ROBO2: variants seen among roughly 807,000 people sequenced by gnomAD.
ROBO2 encodes roundabout guidance receptor 2.
ROBO2 carries 53 observed loss-of-function variants against 160.8 expected under a neutral mutation model. That is an observed-to-expected ratio of 0.33 (90% confidence interval 0.26 to 0.41). The LOEUF (loss-of-function observed/expected upper bound fraction) is 0.41, where lower values mean the gene tolerates loss of function less well. Ranked by LOEUF, ROBO2 falls within the 10% of genes least tolerant of loss-of-function variation. The probability of loss-of-function intolerance (pLI) is 1.00; values close to 1 mark genes in which losing one functional copy is unlikely to be tolerated. For missense variants in ROBO2, 1,577 were observed against 1,722.4 expected (o/e 0.92, Z 1.49); for synonymous variants, 664 against 611.7 (o/e 1.09, Z -1.26).
chr3:76,645,193 T>C (rs532852960), intron 2 of ROBO2, among the ~76,000 whole-genome samples: 4 of 152,202 alleles, frequency 2.6e-5, no homozygotes, highest in Non-Finnish European at 5.9e-5. Context: ...GGTCATGAAT[T>C]ATCTCTGCTG....
chr3:77,457,564 T>G (rs1240226331), intron 2 of ROBO2, among the ~76,000 whole-genome samples: 1 of 152,158 alleles, frequency 6.6e-6, no homozygotes, highest in Non-Finnish European at 1.5e-5. Context: ...CGGTATTATA[T>G]TAGAGTGATT....
At chr3:75,925,071 A>T (rs1450745307) in intron 1 of ROBO2, among the ~76,000 whole-genome samples, 1 of 151,974 alleles carries the variant, frequency 6.6e-6, no homozygotes, top group Non-Finnish European at 1.5e-5. Context: ...GTGAAGGATG[A>T]TTATATAAAC....
chr3:77,038,537 C>T (rs978361285), upstream of ROBO2, among the ~76,000 whole-genome samples: 3 of 152,100 alleles, frequency 2.0e-5, no homozygotes, highest in Non-Finnish European at 2.9e-5. Flanking sequence ...CTCAGACGGC[C>T]CCTTCTGGAG....
intron 2 of ROBO2, among the ~76,000 whole-genome samples, chr3:76,804,123 T>A (rs1460189976): frequency 9.2e-5 from 14 of 152,156 alleles, no homozygotes; most frequent in Admixed American, 2.6e-4. Flanking sequence ...ATGGTCACAT[T>A]CTCTTAGGGA....
At chr3:76,119,974 C>G (rs1244358392) in intron 2 of ROBO2, among the ~76,000 whole-genome samples, 3 of 119,952 alleles carry the variant, frequency 2.5e-5, no homozygotes, top group Non-Finnish European at 3.5e-5. Flanking sequence ...TCCTTCCTTC[C>G]TCTCTCTTTC....
intron 2 of ROBO2, among the ~76,000 whole-genome samples, chr3:76,100,142 GAA>G (rs1161406048): frequency 6.6e-6 from 1 of 152,090 alleles, no homozygotes; most frequent in African/African-American, 2.4e-5. Context: ...TGGAACCCAT[GAA>G]TCCTTGCACA....
At chr3:76,166,175 A>G (rs552337280) in intron 2 of ROBO2, among the ~76,000 whole-genome samples, 2 of 152,346 alleles carry the variant, frequency 1.3e-5, no homozygotes, top group South Asian at 2.1e-4. Flanking sequence ...GAAAAGCACA[A>G]TATCTGCAAA....
intron 2 of ROBO2, among the ~76,000 whole-genome samples, chr3:76,807,670 A>G (rs751998314): frequency 1.9e-4 from 29 of 152,218 alleles, no homozygotes; most frequent in Non-Finnish European, 3.8e-4. Context: ...GTTAATATCA[A>G]GTTATACACT....
At chr3:76,179,186 A>G (rs986916634) in intron 2 of ROBO2, among the ~76,000 whole-genome samples, 1 of 152,072 alleles carries the variant, frequency 6.6e-6, no homozygotes, top group African/African-American at 2.4e-5. Context: ...ATGGCCTACT[A>G]GAGAGCAAGT....
chr3:76,492,969 T>G (rs2107544742), intron 2 of ROBO2, among the ~76,000 whole-genome samples: 1 of 152,282 alleles, frequency 6.6e-6, no homozygotes, highest in Non-Finnish European at 1.5e-5. Flanking sequence ...ATTATGTTTT[T>G]AAAATAATTT....
intron 2 of ROBO2, among the ~76,000 whole-genome samples, chr3:76,404,416 G>A (rs953515679): frequency 6.6e-6 from 1 of 151,496 alleles, no homozygotes; most frequent in African/African-American, 2.4e-5. Context: ...AGAAATACAA[G>A]TAGAGAAAAT....
chr3:77,321,492 C>G (rs2064693772), intron 2 of ROBO2, among the ~76,000 whole-genome samples: 1 of 151,566 alleles, frequency 6.6e-6, no homozygotes, highest in Admixed American at 6.6e-5. Context: ...ACTCTCCAGC[C>G]TGAGTGACAG....
At chr3:76,857,472 G>T (rs1280500230) in intron 2 of ROBO2, among the ~76,000 whole-genome samples, 2 of 152,084 alleles carry the variant, frequency 1.3e-5, no homozygotes. Context: ...GCCTATTATT[G>T]AACTCAATGC....
intron 2 of ROBO2, among the ~76,000 whole-genome samples, chr3:76,840,621 T>TA (rs2068143334): frequency 8.0e-6 from 1 of 124,390 alleles, no homozygotes; most frequent in African/African-American, 3.1e-5. Context: ...AAAAAAAAAA[T>TA]TATATATATA....
At chr3:77,538,056 C>G (rs374537743) in intron 6 of ROBO2, among the ~76,000 whole-genome samples, 6 of 151,010 alleles carry the variant, frequency 4.0e-5, no homozygotes, top group Admixed American at 3.3e-4. Context: ...AAGGAAGTAG[C>G]TGGTGGCAAA....
intron 9 of ROBO2, among the ~76,000 whole-genome samples, chr3:77,560,890 C>G (rs1156410021): frequency 6.6e-6 from 1 of 152,132 alleles, no homozygotes; most frequent in Non-Finnish European, 1.5e-5. Flanking sequence ...AGACCATATT[C>G]AAATGAACAT....
chr3:77,496,327 T>C (rs1344655745), intron 5 of ROBO2, among the ~76,000 whole-genome samples: 1 of 152,318 alleles, frequency 6.6e-6, no homozygotes, highest in Non-Finnish European at 1.5e-5. Flanking sequence ...AAGAAGCATG[T>C]ACTTTTTCTT....
At chr3:76,445,429 T>C (rs1015552895) in intron 2 of ROBO2, among the ~76,000 whole-genome samples, 23 of 152,268 alleles carry the variant, frequency 1.5e-4, no homozygotes, top group Middle Eastern at 3.4e-3. Context: ...AATATTCTTT[T>C]TCATTTAAAG....
intron 2 of ROBO2, among the ~76,000 whole-genome samples, chr3:76,922,173 T>C (rs992023197): frequency 3.9e-5 from 6 of 152,014 alleles, no homozygotes; most frequent in Non-Finnish European, 7.4e-5. Context: ...TATCCAGGCA[T>C]GGTGGCGGGT....
Sources: gnomAD v4.1 joint callset for allele counts (sites outside exome capture counted in the v4.1 genomes callset) on GRCh38, gnomAD v4.1.1 for gene constraint, MANE v1.5 for transcripts, NCBI Gene and HGNC (gene_info 2026-07-23, HGNC 2026-07-21) for gene names.